The following PRELID2 variants were observed in gnomAD, a reference collection of about 807,000 sequenced individuals.
The protein encoded by PRELID2 is PRELI domain-containing protein 2.
Under a neutral mutation model 28.4 loss-of-function variants are expected in PRELID2, and 25 were observed. That is an observed-to-expected ratio of 0.88 (90% CI 0.64 to 1.23). PRELID2 has a LOEUF of 1.23. Among genes scored for constraint, PRELID2 ranks in the 50% most tolerant of loss-of-function variants. The pLI is 0.00. For missense variants in PRELID2, 201 were observed against 214.4 expected (o/e 0.94, Z 0.39); for synonymous variants, 76 against 71.6 (o/e 1.06, Z -0.31).
At chr5:145,519,687 T>C (rs923928688) in intron 1 of PRELID2, among the ~76,000 whole-genome samples, 1 of 152,050 alleles carries the variant, frequency 6.6e-6, no homozygotes, top group African/African-American at 2.4e-5. Context: ...TGTACTATTC[T>C]TAAGGACCTA....
intron 1 of PRELID2, among the ~76,000 whole-genome samples, chr5:145,492,943 C>A (rs541360123): frequency 2.1e-5 from 3 of 140,564 alleles, no homozygotes; most frequent in African/African-American, 7.5e-5. Context: ...GGGTGGTAAG[C>A]CCAGTGTTGG....
chr5:145,545,221 T>G (rs991785041), intron 1 of PRELID2, among the ~76,000 whole-genome samples: 1 of 152,110 alleles, frequency 6.6e-6, no homozygotes, highest in Admixed American at 6.6e-5. Context: ...TAGAGGTCAG[T>G]GCATCAAATG....
the PRELID2 span, among the ~76,000 whole-genome samples, chr5:145,408,008 C>T: frequency 2.0e-5 from 3 of 152,078 alleles, no homozygotes; most frequent in South Asian, 6.2e-4. Context: ...CAGCCCAGAG[C>T]CCAGTAGCCC....
chr5:145,601,163 A>G (rs1753390695), intron 1 of PRELID2, among the ~76,000 whole-genome samples: 1 of 152,218 alleles, frequency 6.6e-6, no homozygotes, highest in South Asian at 2.1e-4. Flanking sequence ...CAAAAAAGTA[A>G]GTAAATAAAT....
At position 145,604,882 on chromosome 5, in the gene PRELID2, C is replaced by CATAT. The variant is rs35401852; in HGVS notation, n.71-131571_71-131568dup. Among the ~76,000 whole-genome samples, 238 of 116,126 alleles carry CATAT rather than the reference C, an allele frequency of 2.0e-3. 9 individuals are homozygous for CATAT. The highest frequency in any genetic ancestry group is 6.1e-3 in the South Asian group (22 of 3,608). 76.2% of individuals were successfully genotyped at this position (116,126 alleles called of 152,430 possible). ...ACCATATTTTAATATGCTTGTTGGC[C>CATAT]ATATATATATATATATATATATTCT... On this transcript the variant is annotated intron_variant and non_coding_transcript_variant, in intron 1 of 2. Transcript: ENST00000510259.
the PRELID2 span, among the ~76,000 whole-genome samples, chr5:145,273,345 C>A: frequency 6.6e-6 from 1 of 152,026 alleles, no homozygotes; most frequent in Admixed American, 6.6e-5. Context: ...GTCTTAAGCA[C>A]GCCCAACCCT....
At chr5:145,634,891 A>T (rs916648760) in intron 1 of PRELID2, among the ~76,000 whole-genome samples, 1 of 152,186 alleles carries the variant, frequency 6.6e-6, no homozygotes, top group Admixed American at 6.5e-5. Context: ...GCCCTCTAGG[A>T]TCAAAGCTTA....
At chr5:145,748,755 T>C (rs925049835) in intron 1 of PRELID2, among the ~76,000 whole-genome samples, 7 of 152,160 alleles carry the variant, frequency 4.6e-5, no homozygotes, top group African/African-American at 1.7e-4. Flanking sequence ...CAAAACAGCA[T>C]GGCACTGGTA....
chr5:145,631,463 C>T (rs531827332), intron 1 of PRELID2, among the ~76,000 whole-genome samples: 5 of 152,244 alleles, frequency 3.3e-5, no homozygotes, highest in South Asian at 2.1e-4. Context: ...AAGTGGGAAT[C>T]GCAATATCTT....
intron 1 of PRELID2, among the ~76,000 whole-genome samples, chr5:145,518,871 T>C (rs927864334): frequency 2.0e-5 from 3 of 152,222 alleles, no homozygotes; most frequent in Admixed American, 1.3e-4. Context: ...TGAAGGTTTA[T>C]CCAGTCCAAA....
At chr5:145,402,612 C>A in the PRELID2 span, among the ~76,000 whole-genome samples, 1 of 152,134 alleles carries the variant, frequency 6.6e-6, no homozygotes, top group Non-Finnish European at 1.5e-5. Context: ...AAATGTTTAA[C>A]CTCTCTGAGT....
At chr5:145,669,907 C>G (rs998595059) in intron 1 of PRELID2, among the ~76,000 whole-genome samples, 1 of 152,124 alleles carries the variant, frequency 6.6e-6, no homozygotes, top group Non-Finnish European at 1.5e-5. Context: ...AAATCGCCAT[C>G]TTAGAGCCTC....
the PRELID2 span, among the ~76,000 whole-genome samples, chr5:145,439,070 G>T: frequency 1.3e-5 from 2 of 152,024 alleles, no homozygotes; most frequent in Non-Finnish European, 2.9e-5. Flanking sequence ...CACTTCCTTG[G>T]TGATCCTCCT....
the PRELID2 span, among the ~76,000 whole-genome samples, chr5:145,258,463 T>C: frequency 6.6e-6 from 1 of 152,120 alleles, no homozygotes; most frequent in Non-Finnish European, 1.5e-5. Context: ...AGAAACTTAT[T>C]GGGAACAGGA....
At chr5:145,782,249 C>T (rs1258029262) in intron 5 of PRELID2, among the ~76,000 whole-genome samples, 1 of 152,224 alleles carries the variant, frequency 6.6e-6, no homozygotes, top group African/African-American at 2.4e-5. Context: ...GGGACTCTGA[C>T]CTCCCTTGTC....
chr5:145,305,061 G>A, the PRELID2 span, among the ~76,000 whole-genome samples: 1 of 152,126 alleles, frequency 6.6e-6, no homozygotes. Flanking sequence ...CAGATTGAAT[G>A]CATACAACTA....
At chr5:145,290,069 A>G in the PRELID2 span, among the ~76,000 whole-genome samples, 1 of 152,218 alleles carries the variant, frequency 6.6e-6, no homozygotes, top group African/African-American at 2.4e-5. Flanking sequence ...CATACCAGTT[A>G]GAATGGTGAT....
rs567278988 is a variant in PRELID2, at chr5:145,802,225, T to C, written c.369-5678A>G. On this transcript the variant is annotated intron_variant, in intron 4 of 6. Coordinates refer to ENST00000683046, the MANE Select transcript of PRELID2 (RefSeq NM_205846.3). ...AGATATTTAGAATGGACTCAGTTTA[T>C]GGCTGTTATCAACAGTGCTGTTATG... Among the ~76,000 whole-genome samples, 123 of 152,356 alleles carry C rather than the reference T, an allele frequency of 8.1e-4. 1 individual carries two copies. Among genetic ancestry groups the C allele is most frequent in the African/African-American group, 2.8e-3 (116 of 41,592 alleles).
the PRELID2 span, among the ~76,000 whole-genome samples, chr5:145,267,016 G>A: frequency 6.6e-6 from 1 of 152,034 alleles, no homozygotes; most frequent in South Asian, 2.1e-4. Context: ...GGACTTTGGG[G>A]ACTTGGGGAA....
Sources: gnomAD v4.1 joint callset for allele counts (sites outside exome capture counted in the v4.1 genomes callset) on GRCh38, gnomAD v4.1.1 for gene constraint, MANE v1.5 for transcripts, NCBI Gene and HGNC (gene_info 2026-07-23, HGNC 2026-07-21) for gene names.